The following OR6N1 variants were observed in gnomAD, a reference collection of about 807,000 sequenced individuals.
OR6N1 encodes olfactory receptor 6N1.
For synonymous variants in OR6N1, 170 were observed against 150.7 expected (o/e 1.13, Z -0.94); for missense variants, 394 against 371.7 (o/e 1.06, Z -0.49).
the OR6N1 span, among the ~76,000 whole-genome samples, chr1:158,801,173 GT>G: frequency 7.0e-6 from 1 of 143,462 alleles, no homozygotes; most frequent in Non-Finnish European, 1.5e-5. Flanking sequence ...TGGTGTGTGT[GT>G]GTGTGTGTGT....
At chr1:158,797,252 C>T in the OR6N1 span, among the ~76,000 whole-genome samples, 1 of 152,174 alleles carries the variant, frequency 6.6e-6, no homozygotes, top group African/African-American at 2.4e-5. Context: ...GAACAGGTCT[C>T]CTGCCAGGAA....
At chr1:158,781,226 T>C in the OR6N1 span, 8 of 152,250 alleles carry the variant, frequency 5.3e-5, no homozygotes, top group Admixed American at 2.0e-4. Flanking sequence ...AGTATATGTG[T>C]GGGAAATGGA....
chr1:158,811,682 A>T, the OR6N1 span, among the ~76,000 whole-genome samples: 1 of 152,188 alleles, frequency 6.6e-6, no homozygotes, highest in Non-Finnish European at 1.5e-5. Flanking sequence ...AAATTTAGGA[A>T]TCAGAGGCAA....
upstream of OR6N1, among the ~76,000 whole-genome samples, chr1:158,773,821 A>ATG (rs1657485958): frequency 6.6e-6 from 1 of 151,972 alleles, no homozygotes. Flanking sequence ...ATGTGTGTGT[A>ATG]TGTGTGTGTG....
the OR6N1 span, among the ~76,000 whole-genome samples, chr1:158,782,801 T>C: frequency 7.2e-6 from 1 of 138,328 alleles, no homozygotes; most frequent in Non-Finnish European, 1.6e-5. Flanking sequence ...ATTAGGATTA[T>C]TAAGTGGTAT....
chr1:158,787,446 G>A, the OR6N1 span, among the ~76,000 whole-genome samples: 1 of 152,058 alleles, frequency 6.6e-6, no homozygotes, highest in East Asian at 1.9e-4. Flanking sequence ...TAGCACAAAT[G>A]TAGCCATCAG....
the OR6N1 span, among the ~76,000 whole-genome samples, chr1:158,783,815 A>C: frequency 6.6e-6 from 1 of 152,168 alleles, no homozygotes; most frequent in African/African-American, 2.4e-5. Flanking sequence ...TTAATTAAGA[A>C]AAGGCTAGGG....
At chr1:158,777,237 A>T in the OR6N1 span, 1 of 1,614,146 alleles carries the variant, frequency 6.2e-7, no homozygotes, top group African/African-American at 1.3e-5. Context: ...TCATAATTAT[A>T]GGGTAGTGGA....
the OR6N1 span, among the ~76,000 whole-genome samples, chr1:158,825,935 C>T: frequency 3.3e-5 from 5 of 152,104 alleles, no homozygotes; most frequent in Non-Finnish European, 7.4e-5. Context: ...CCATAGAATA[C>T]TACACAGCCA....
the OR6N1 span, among the ~76,000 whole-genome samples, chr1:158,795,360 C>G: frequency 1.3e-5 from 2 of 152,188 alleles, no homozygotes; most frequent in Non-Finnish European, 2.9e-5. Flanking sequence ...GGCCACACCC[C>G]TCCTGGTTTG....
At chr1:158,773,695 A>T (rs767625589), upstream of OR6N1, among the ~76,000 whole-genome samples, 41 of 152,058 alleles carry the variant, frequency 2.7e-4, no homozygotes, top group Admixed American at 1.0e-3. Flanking sequence ...CACATGTATT[A>T]AAAGACTTAA....
At chr1:158,767,069 A>G (rs934691938) in intron 1 of OR6N1, among the ~76,000 whole-genome samples, 2 of 152,260 alleles carry the variant, frequency 1.3e-5, no homozygotes, top group East Asian at 1.9e-4. Flanking sequence ...GGTAAAAATC[A>G]TCATTTATAC....
chr1:158,792,778 T>C, the OR6N1 span, among the ~76,000 whole-genome samples: 1 of 152,342 alleles, frequency 6.6e-6, no homozygotes, highest in East Asian at 1.9e-4. Context: ...TTTTCTTTTA[T>C]AGGTTACCTA....
At chr1:158,777,775 A>G in the OR6N1 span, 2 of 600,482 alleles carry the variant, frequency 3.3e-6, no homozygotes, top group Non-Finnish European at 6.0e-6. Context: ...CACTACTATT[A>G]CTATTACTGT....
the OR6N1 span, among the ~76,000 whole-genome samples, chr1:158,800,409 C>A: frequency 1.3e-5 from 2 of 152,094 alleles, no homozygotes; most frequent in Non-Finnish European, 2.9e-5. Flanking sequence ...CAAGGTTTGA[C>A]AATATTAAAA....
chr1:158,821,935 A>G, the OR6N1 span, among the ~76,000 whole-genome samples: 1 of 152,196 alleles, frequency 6.6e-6, no homozygotes, highest in Non-Finnish European at 1.5e-5. Context: ...CATCACCAGC[A>G]TTTGGTATTG....
At chr1:158,839,926 T>C in the OR6N1 span, among the ~76,000 whole-genome samples, 3 of 152,334 alleles carry the variant, frequency 2.0e-5, no homozygotes, top group South Asian at 6.2e-4. Flanking sequence ...AGAACAATTT[T>C]TTAAACCATA....
chr1:158,777,510 G>C, the OR6N1 span: 1 of 1,614,166 alleles, frequency 6.2e-7, no homozygotes. Context: ...AGATGAGCAT[G>C]TTACCACAGA....
the OR6N1 span, chr1:158,809,361 T>C: frequency 6.6e-6 from 1 of 152,420 alleles, no homozygotes; most frequent in African/African-American, 2.4e-5. Context: ...GCGATAAACA[T>C]AGAATATAAA....
Sources: gnomAD v4.1 joint callset for allele counts (sites outside exome capture counted in the v4.1 genomes callset) on GRCh38, gnomAD v4.1.1 for gene constraint, MANE v1.5 for transcripts, NCBI Gene and HGNC (gene_info 2026-07-23, HGNC 2026-07-21) for gene names.